Variants in MGST1 observed in about 807,000 individuals in gnomAD.
The protein encoded by MGST1 is microsomal glutathione S-transferase 1, also known as glutathione S-transferase 12.
A neutral mutation model predicts 8.9 loss-of-function variants in MGST1; 5 were observed. That is an observed-to-expected ratio of 0.56 (90% CI 0.29 to 1.19). The LOEUF (loss-of-function observed/expected upper bound fraction) is 1.19. Ranked by LOEUF, MGST1 falls within the 50% of genes most tolerant of loss-of-function variation. The pLI, the probability that MGST1 is intolerant of heterozygous loss-of-function variation, is 0.08. For synonymous variants in MGST1, 54 were observed against 67.8 expected, an observed-to-expected ratio of 0.80 and a Z score of 1.00; for missense variants, 182 against 187.4, an observed-to-expected ratio of 0.97 and a Z score of 0.17.
chr12:16,440,425 CT>C (rs554004319), downstream of MGST1, among the ~76,000 whole-genome samples: 950 of 151,842 alleles, frequency 6.3e-3, 11 homozygotes, highest in African/African-American at 0.021. Context: ...GAGGTAACTT[CT>C]TTTTTGATTT....
intron 1 of MGST1, among the ~76,000 whole-genome samples, chr12:16,412,379 A>AT (rs970951176): frequency 1.3e-5 from 2 of 152,098 alleles, no homozygotes; most frequent in East Asian, 1.9e-4. Context: ...TGAGCTATTA[A>AT]TTTTTTTCCT....
rs1267822054 is a variant in MGST1, at chr12:16,546,167, T to G, written n.483-43361T>G. Among the ~76,000 whole-genome samples the G allele has an allele frequency of 6.6e-6, 1 of 152,114 alleles. No homozygotes were observed. Among genetic ancestry groups the G allele is most frequent in the Non-Finnish European group, 1.5e-5 (1 of 68,006 alleles). ...ATTACTAAAAGTTATTGAAGATGGG[T>G]CATATGAAAATGTTACCTGTTTCAA... On this transcript the variant is annotated intron_variant and non_coding_transcript_variant, in intron 4 of 4. Coordinates refer to the MGST1 transcript ENST00000538857. This position sits in a 1 kb window ranked among gnomAD's most constrained non-coding sequence, Gnocchi z 4.7.
At chr12:16,392,836 C>A (rs1204182522) in intron 1 of MGST1, among the ~76,000 whole-genome samples, 1 of 151,926 alleles carries the variant, frequency 6.6e-6, no homozygotes, top group Non-Finnish European at 1.5e-5. Context: ...TTGAAATATA[C>A]ATTTTTGTAT....
chr12:16,499,561 T>G (rs1255085513), intron 4 of MGST1, among the ~76,000 whole-genome samples: 1 of 152,112 alleles, frequency 6.6e-6, no homozygotes, highest in African/African-American at 2.4e-5. Context: ...TTTCAGTGGG[T>G]GCCATTACCA....
At chr12:16,524,259 A>G (rs974910517) in intron 4 of MGST1, among the ~76,000 whole-genome samples, 6 of 152,084 alleles carry the variant, frequency 3.9e-5, no homozygotes, top group Non-Finnish European at 8.8e-5. Flanking sequence ...CATATCTATA[A>G]ACATTAGTGT....
intron 4 of MGST1, among the ~76,000 whole-genome samples, chr12:16,561,058 T>C (rs559356864): frequency 9.9e-5 from 15 of 152,248 alleles, no homozygotes; most frequent in Admixed American, 9.2e-4. Context: ...TATGGCTCTA[T>C]ACCATAGTTA....
At chr12:16,457,909 G>A (rs1318837625) in intron 4 of MGST1, among the ~76,000 whole-genome samples, 1 of 151,930 alleles carries the variant, frequency 6.6e-6, no homozygotes, top group Non-Finnish European at 1.5e-5. Flanking sequence ...GTATTTTGGA[G>A]GAGGGGGAGG....
intron 1 of MGST1, among the ~76,000 whole-genome samples, chr12:16,416,940 T>C (rs902508224): frequency 2.6e-5 from 4 of 152,164 alleles, no homozygotes; most frequent in African/African-American, 4.8e-5. Flanking sequence ...AAAGCATGCA[T>C]TGGAAGTATC....
At chr12:16,554,844 G>C (rs1465608906) in intron 4 of MGST1, among the ~76,000 whole-genome samples, 2 of 152,000 alleles carry the variant, frequency 1.3e-5, no homozygotes, top group African/African-American at 2.4e-5. Context: ...TTTTTTAGTA[G>C]AGACGGGGTT....
intron 4 of MGST1, among the ~76,000 whole-genome samples, chr12:16,570,752 A>G (rs1408352906): frequency 1.3e-5 from 2 of 152,200 alleles, no homozygotes; most frequent in East Asian, 3.8e-4. Context: ...ATATCCAGAG[A>G]TTGTGATTTA....
chr12:16,358,706 G>C (rs112756689), intron 3 of MGST1, among the ~76,000 whole-genome samples: 2,685 of 148,358 alleles, frequency 0.018, 93 homozygotes, highest in African/African-American at 0.062. Flanking sequence ...GACCTCAGGT[G>C]ATCCACCCAC....
intron 4 of MGST1, among the ~76,000 whole-genome samples, chr12:16,504,743 C>A (rs1349394274): frequency 6.6e-6 from 1 of 152,150 alleles, no homozygotes; most frequent in East Asian, 1.9e-4. Flanking sequence ...TACCTTTCTC[C>A]TTAGTTGTCT....
intron 4 of MGST1, chr12:16,551,170 A>AAAGAT (rs1170461961): frequency 1.7e-6 from 2 of 1,178,856 alleles, no homozygotes; most frequent in Non-Finnish European, 2.5e-6. Flanking sequence ...GTGGAGCAAA[A>AAAGAT]AAGATAAAAG....
intron 4 of MGST1, among the ~76,000 whole-genome samples, chr12:16,552,344 CTCTCTT>C (rs1333177007): frequency 6.6e-6 from 1 of 151,986 alleles, no homozygotes; most frequent in Non-Finnish European, 1.5e-5. Context: ...TGATAGTAGT[CTCTCTT>C]TATCAGATAG....
At chr12:16,400,290 A>G in intron 1 of MGST1, 1 of 796,950 alleles carries the variant, frequency 1.3e-6, no homozygotes, top group East Asian at 2.4e-5. Flanking sequence ...TCATTACTCC[A>G]TCACAGAGCT....
downstream of MGST1, among the ~76,000 whole-genome samples, chr12:16,378,932 G>T (rs1051082321): frequency 1.3e-5 from 2 of 152,066 alleles, no homozygotes; most frequent in African/African-American, 4.8e-5. Flanking sequence ...GTTCACTCAT[G>T]ATTTGGCTCT....
chr12:16,485,535 C>T (rs1941394504), intron 4 of MGST1, among the ~76,000 whole-genome samples: 1 of 152,128 alleles, frequency 6.6e-6, no homozygotes, highest in Non-Finnish European at 1.5e-5. Flanking sequence ...GGATTATTGT[C>T]TTTCAAAATA....
intron 4 of MGST1, among the ~76,000 whole-genome samples, chr12:16,580,432 A>T (rs532737273): frequency 6.6e-6 from 1 of 152,334 alleles, no homozygotes; most frequent in African/African-American, 2.4e-5. Context: ...AATGTCATGA[A>T]AATGACAATG....
At chr12:16,550,009 T>A (rs903049230) in intron 4 of MGST1, 1 of 152,046 alleles carries the variant, frequency 6.6e-6, no homozygotes, top group Non-Finnish European at 1.5e-5. Flanking sequence ...TTTTTGAACA[T>A]TAAAATAAAT....
Sources: gnomAD v4.1 joint callset for allele counts (sites outside exome capture counted in the v4.1 genomes callset) on GRCh38, gnomAD v4.1.1 for gene constraint, Gnocchi (gnomAD v3.1) non-coding constraint, MANE v1.5 for transcripts, NCBI Gene and HGNC (gene_info 2026-07-23, HGNC 2026-07-21) for gene names.